Variants in ILF2 observed in about 807,000 individuals in gnomAD.
The protein encoded by ILF2 is interleukin enhancer binding factor 2.
ILF2 carries 9 observed loss-of-function variants against 55.3 expected under a neutral mutation model. The observed-to-expected ratio is 0.16, with a 90% CI of 0.10 to 0.28. ILF2 has a LOEUF of 0.28. Ranked by LOEUF, ILF2 falls within the 10% of genes least tolerant of loss-of-function variation. ILF2 has a pLI of 1.00. For missense variants in ILF2, 266 were observed against 474.9 expected (o/e 0.56, Z 4.09); for synonymous variants, 151 against 161.8 (o/e 0.93, Z 0.50).
Position 153,670,152 on chromosome 1 carries a change from G to A in ILF2, c.65+19C>T. ...GAAACTAACAACCAAGTGCAGAGAT[G>A]CTAAAAGCTGGTACTCACCCTCCTC... On this transcript the variant is annotated intron_variant, in intron 2 of 13. Transcript: ENST00000361891. The A allele has an allele frequency of 6.2e-7, 1 of 1,612,270 alleles. No homozygotes were observed.
chr1:153,669,589 T>A (rs1191044583), intron 3 of ILF2, among the ~76,000 whole-genome samples: 1 of 152,186 alleles, frequency 6.6e-6, no homozygotes, highest in East Asian at 1.9e-4. Flanking sequence ...TAGCTGGGAT[T>A]AGACACATGC....
intron 6 of ILF2, among the ~76,000 whole-genome samples, chr1:153,666,892 C>T (rs1388612079): frequency 6.6e-6 from 1 of 151,434 alleles, no homozygotes; most frequent in Non-Finnish European, 1.5e-5. Flanking sequence ...GAGGCCAAGG[C>T]GGGCGGATCA....
chr1:153,665,120 C>G (rs1452238710), intron 8 of ILF2, 100 bp downstream of exon 8: 2 of 739,320 alleles, frequency 2.7e-6, no homozygotes, highest in Non-Finnish European at 4.8e-6. Context: ...TCCCAGGAAG[C>G]TGCATGTGGA....
intron 3 of ILF2, among the ~76,000 whole-genome samples, chr1:153,669,051 A>G (rs1055792838): frequency 1.3e-5 from 2 of 151,544 alleles, no homozygotes; most frequent in African/African-American, 4.9e-5. Context: ...CTAAACAGAC[A>G]TACAAAAATT....
chr1:153,663,446 A>G (rs957663831), intron 10 of ILF2, among the ~76,000 whole-genome samples, 170 bp from the exon 11 acceptor site: 2 of 151,926 alleles, frequency 1.3e-5, no homozygotes, highest in African/African-American at 2.4e-5. Context: ...CTCCTGACTC[A>G]GCCTCCTGAG....
At position 153,664,090 on chromosome 1, in the gene ILF2, G is replaced by A. The variant is rs763025203; in HGVS notation, c.697C>T (p.Arg233Cys). ...GTGAGGGGCTCAAAGCCAGGAAAAC[G>A]AATCCTCAAGTCCTTCAGTAGTCTG... Reference protein sequence around the residue: ...LIRLLKDLRIRFPGFEPLTPW... With the variant: ...LIRLLKDLRICFPGFEPLTPW... The change falls in exon 10 of 14, where the codon CGT becomes TGT. Residue 233 changes from arginine to cysteine, a missense_variant. Physicochemically the swap from Arg to Cys is radical, Grantham distance 180. Coordinates refer to ENST00000361891, the MANE Select transcript of ILF2 (RefSeq NM_004515.4). 36 of 1,613,430 alleles carry A rather than the reference G, an allele frequency of 2.2e-5. No individual in the cohort carries two copies. The highest frequency in any genetic ancestry group is 5.0e-5 in the Admixed American group (3 of 59,918).
intron 4 of ILF2, 69 bp downstream of exon 4, chr1:153,668,381 CCAA>C: frequency 6.4e-7 from 1 of 1,564,324 alleles, no homozygotes; most frequent in Non-Finnish European, 8.7e-7. Context: ...CTTAACCTTA[CCAA>C]CAGTTACTCT....
At chr1:153,666,399 G>A (rs1048632928) in intron 6 of ILF2, among the ~76,000 whole-genome samples, 5 of 152,060 alleles carry the variant, frequency 3.3e-5, no homozygotes, top group African/African-American at 1.2e-4. Context: ...GGCCAGGCTG[G>A]TCTTGAACTC....
rs957971408 is a variant in ILF2 at position 153,663,179 on chromosome 1, G to GTT, written c.806+34_806+35dup. ...AGGTATTAAAGGAATGCACAAAATA[G>GTT]TTTACAACCAACCCTAAACCCAAAG... On this transcript the variant is annotated intron_variant, in intron 11 of 13. Coordinates refer to ENST00000361891, the MANE Select transcript of ILF2 (RefSeq NM_004515.4). 4 of 1,613,800 alleles carry GTT rather than the reference G, an allele frequency of 2.5e-6. No individual in the cohort carries two copies. The African/African-American group carries it at 5.3e-5, about 22-fold the overall frequency.
intron 7 of ILF2, 68 bp from the exon 8 acceptor site, chr1:153,665,404 G>T: frequency 9.4e-7 from 1 of 1,062,840 alleles, no homozygotes; most frequent in Non-Finnish European, 1.5e-6. Context: ...TAAATCCAGG[G>T]TGGGGGGGAA....
In ILF2 at chr1:153,661,828, T is replaced by C. The variant is rs1669175689; in HGVS notation, c.*568A>G. On this transcript the variant is annotated 3_prime_UTR_variant, in exon 14 of 14. Transcript: ENST00000361891. Reference sequence around the variant, plus strand: ...CATTTTATTCAATAAATACTTAAAATGATATTCTAGTTTACTCTGGTATAT... The same window carrying C: ...CATTTTATTCAATAAATACTTAAAACGATATTCTAGTTTACTCTGGTATAT... 6.4e-6 allele frequency: 1 copy of C among 155,204 alleles called. No homozygotes were observed. The highest frequency in any genetic ancestry group is 6.3e-5 in the Admixed American group (1 of 15,862). 9.6% of individuals were successfully genotyped at this position (155,204 alleles called of 1,614,324 possible). A position where few individuals can be genotyped will look rare whatever the true frequency, so the allele number is the denominator to read the frequency against.
rs1669182366 is a variant in ILF2, at chr1:153,662,057, A to AGTT, written c.*336_*338dup. The stretch of plus-strand genomic sequence containing the variant: ...GAGCCCTACTAGGAAGTACTTTAAT[A>AGTT]GTTTTTCTTAGAAAAAAAAATTTCC... On this transcript the variant is annotated 3_prime_UTR_variant, in exon 14 of 14. Coordinates refer to ENST00000361891, the MANE Select transcript of ILF2 (RefSeq NM_004515.4). 5.2e-6 allele frequency: 1 copy of AGTT among 193,928 alleles called. No individual in the cohort carries two copies. The highest frequency in any genetic ancestry group is 1.1e-5 in the Non-Finnish European group (1 of 94,066). The allele number at this position is 193,928 out of a possible 1,614,324, so 12.0% of individuals were successfully genotyped here. A position where few individuals can be genotyped will look rare whatever the true frequency, so the allele number is the denominator to read the frequency against.
chr1:153,665,034 C>G (rs1249438736), intron 8 of ILF2, among the ~76,000 whole-genome samples, 186 bp downstream of exon 8: 2 of 152,202 alleles, frequency 1.3e-5, no homozygotes, highest in Non-Finnish European at 2.9e-5. Context: ...CTGAAAATTC[C>G]ACTAGCAAGC....
Position 153,665,413 on chromosome 1 carries a change from A to T in ILF2, c.461-77T>A, listed in dbSNP as rs187275327. ...CAAAGTTAAATCCAGGGTGGGGGGG[A>T]ACAGGTGGATTTTTTAAAACAGCAC... On this transcript the variant is annotated intron_variant, in intron 7 of 13. Transcript: ENST00000361891. 7.2e-4 allele frequency: 708 copies of T among 977,706 alleles called. 4 individuals carry two copies. In the African/African-American group the frequency reaches 0.01, roughly 14 times the overall value. 60.6% of individuals were successfully genotyped at this position (977,706 alleles called of 1,614,324 possible).
rs189259260 is a variant in ILF2 at position 153,670,622 on chromosome 1, C to T, written c.5+296G>A. Among the ~76,000 whole-genome samples, 23 of 152,122 alleles carry T rather than the reference C, an allele frequency of 1.5e-4. No homozygotes were observed. In the East Asian group the frequency reaches 4.4e-3, roughly 29 times the overall value. The stretch of plus-strand genomic sequence containing the variant: ...GCATTCTCAGCCCGGATGACGGGGG[C>T]GGGGGAAAGGTGGGGAGCTCCTCCA... On this transcript the variant is annotated intron_variant, in intron 1 of 13. Coordinates refer to ENST00000361891, the MANE Select transcript of ILF2 (RefSeq NM_004515.4).
rs945764491 is a variant in ILF2 at position 153,667,287 on chromosome 1, G to C, written c.394+268C>G. ...GAGCTCAGGAGTTTGAGACCAGCCC[G>C]AGCAACACGGTGAAACCCTGTATCT... On this transcript the variant is annotated intron_variant, in intron 6 of 13. Transcript: ENST00000361891. 5.4e-5 allele frequency: 28 copies of C among 518,050 alleles called. No homozygotes were observed. The East Asian group carries it at 8.4e-4, about 16-fold the overall frequency. The allele number at this position is 518,050 out of a possible 1,614,324, so 32.1% of individuals were successfully genotyped here. A position where few individuals can be genotyped will look rare whatever the true frequency, so the allele number is the denominator to read the frequency against.
At position 153,667,382 on chromosome 1, in the gene ILF2, GCGGGAAGATCA is replaced by G. The variant is rs1669337909; in HGVS notation, c.394+162_394+172del. ...AGTCCCAGCTACTCGGGAGGCTAAG[GCGGGAAGATCA>G]CTTGCTGTAGTGGAGGTCAAGGCTG... On this transcript the variant is annotated intron_variant, in intron 6 of 13. Transcript: ENST00000361891. The G allele has an allele frequency of 4.6e-6, 3 of 645,678 alleles. No individual in the cohort carries two copies. The South Asian group carries it at 5.4e-5, about 12-fold the overall frequency. The allele number at this position is 645,678 out of a possible 1,614,324, so 40.0% of individuals were successfully genotyped here. A position where few individuals can be genotyped will look rare whatever the true frequency, so the allele number is the denominator to read the frequency against.
intron 13 of ILF2, 48 bp downstream of exon 13, chr1:153,662,657 C>G (rs768095130): frequency 1.5e-5 from 24 of 1,586,422 alleles, no homozygotes; most frequent in Non-Finnish European, 1.7e-5. Context: ...TACAGCTTCT[C>G]TGTACCAGAT....
intron 1 of ILF2, among the ~76,000 whole-genome samples, chr1:153,670,459 A>G (rs1270001289): frequency 1.3e-5 from 2 of 152,174 alleles, no homozygotes; most frequent in Non-Finnish European, 2.9e-5. Context: ...CCTACACTTA[A>G]TAACCCATAA....
Sources: allele counts gnomAD v4.1 joint callset (sites outside exome capture counted in the v4.1 genomes callset), GRCh38; gene constraint gnomAD v4.1.1; transcripts MANE v1.5; gene names NCBI Gene and HGNC (gene_info 2026-07-23, HGNC 2026-07-21).